The following NCR1 variants were observed in gnomAD, a reference collection of about 807,000 sequenced individuals.
The protein encoded by NCR1 is NK cell-activating receptor.
A neutral mutation model predicts 32.5 loss-of-function variants in NCR1; 30 were observed. The observed-to-expected ratio is 0.92, with a 90% CI of 0.69 to 1.25. The LOEUF is 1.25. NCR1 is among the 50% of genes most tolerant of loss of function. The probability of loss-of-function intolerance (pLI) is 0.00; values close to 1 mark genes in which losing one functional copy is unlikely to be tolerated. For missense variants in NCR1, 369 were observed against 380.7 expected (o/e 0.97, Z 0.26); for synonymous variants, 169 against 143.4 (o/e 1.18, Z -1.28).
chr19:54,912,638 A>AAAAAAT, intron 6 of NCR1, 52 bp from the exon 7 acceptor site: 1 of 505,568 alleles, frequency 2.0e-6, no homozygotes, highest in Non-Finnish European at 3.4e-6. Flanking sequence ...AAAAAAAAAA[A>AAAAAAT]GAGGGTGTCC....
the NCR1 span, chr19:54,923,604 G>T: frequency 1.0e-6 from 1 of 995,512 alleles, no homozygotes; most frequent in Non-Finnish European, 1.6e-6. Context: ...CCCAAAAATA[G>T]TGAGAAAACC....
chr19:54,904,141 A>G (rs1190309790), upstream of NCR1, among the ~76,000 whole-genome samples: 2 of 93,440 alleles, frequency 2.1e-5, no homozygotes, highest in Admixed American at 9.0e-5. Flanking sequence ...AAAAAAAAAA[A>G]AAGAAAGAAA....
chr19:54,909,186 A>G lies in NCR1; in HGVS notation c.356-59A>G, dbSNP rs116299914. On this transcript the variant is annotated intron_variant, in intron 3 of 6. Coordinates refer to ENST00000291890, the MANE Select transcript of NCR1 (RefSeq NM_004829.7). ...CTCCATCTCTAAAGAAAGAAAAAAA[A>G]AAATAGCTGGCTGCTCATCACTGAG... The G allele has an allele frequency of 2.6e-4, 403 of 1,522,768 alleles. 3 individuals are homozygous for G. The African/African-American group carries it at 5.2e-3, about 19-fold the overall frequency. 94.3% of individuals were successfully genotyped at this position (1,522,768 alleles called of 1,614,324 possible).
chr19:54,934,839 A>G, the NCR1 span, among the ~76,000 whole-genome samples: 1 of 151,836 alleles, frequency 6.6e-6, no homozygotes, highest in Non-Finnish European at 1.5e-5. The surrounding 1 kb of genome is among the most constrained non-coding windows in gnomAD (Gnocchi z 6.7). Flanking sequence ...CCTCCGAAGT[A>G]GCTGGGATTA....
At chr19:54,928,989 G>A in the NCR1 span, among the ~76,000 whole-genome samples, 84,306 of 151,798 alleles carry the variant, frequency 0.56, 23,655 homozygotes, top group East Asian at 0.72. Context: ...TAATCCACCC[G>A]TTTGCATTGA....
upstream of NCR1, among the ~76,000 whole-genome samples, chr19:54,905,807 C>T (rs1240953093): frequency 6.6e-6 from 1 of 152,204 alleles, no homozygotes; most frequent in Non-Finnish European, 1.5e-5. Flanking sequence ...TCCAGTATCT[C>T]ACTGTGAAAC....
Position 54,910,084 on chromosome 19 carries a change from T to C in NCR1, c.682+19T>C, listed in dbSNP as rs757799672. ...TTTCCTGGTGAGTAACTGGTCCTTC[T>C]AAGCTCAGACGAGCGATCAGAGCCT... is the stretch of plus-strand genomic sequence containing the variant. On this transcript the variant is annotated intron_variant, in intron 5 of 6. Coordinates refer to ENST00000291890, the MANE Select transcript of NCR1 (RefSeq NM_004829.7). 12 of 1,612,450 alleles carry C rather than the reference T, an allele frequency of 7.4e-6. No individual in the cohort carries two copies. The highest frequency in any genetic ancestry group is 9.3e-6 in the Non-Finnish European group (11 of 1,178,812).
chr19:54,926,534 C>G, the NCR1 span, among the ~76,000 whole-genome samples: 1 of 152,100 alleles, frequency 6.6e-6, no homozygotes, highest in East Asian at 1.9e-4. Context: ...AATCCCGGCA[C>G]TTTGAGAGGC....
At chr19:54,917,550 A>G (rs1206518084), downstream of NCR1, among the ~76,000 whole-genome samples, 1 of 151,766 alleles carries the variant, frequency 6.6e-6, no homozygotes, top group East Asian at 2.0e-4. Context: ...TGAACTCCCG[A>G]CCTCATGTGA....
chr19:54,912,636 A>G, intron 6 of NCR1, 54 bp from the exon 7 acceptor site: 1 of 513,166 alleles, frequency 1.9e-6, no homozygotes, highest in East Asian at 3.9e-5. Flanking sequence ...AAAAAAAAAA[A>G]AAGAGGGTGT....
chr19:54,930,980 G>A, the NCR1 span, among the ~76,000 whole-genome samples: 5 of 150,104 alleles, frequency 3.3e-5, no homozygotes, highest in African/African-American at 1.2e-4. Context: ...CTGAGATCGC[G>A]CCACTGCACT....
chr19:54,911,838 G>GA (rs1048981636), intron 5 of NCR1, among the ~76,000 whole-genome samples: 19 of 150,952 alleles, frequency 1.3e-4, no homozygotes, highest in African/African-American at 4.6e-4. Flanking sequence ...CTAAAAATAT[G>GA]AAAAAAATTA....
At chr19:54,911,522 C>T (rs148962595) in intron 5 of NCR1, among the ~76,000 whole-genome samples, 8 of 152,162 alleles carry the variant, frequency 5.3e-5, no homozygotes, top group South Asian at 2.1e-4. Flanking sequence ...AAGGCAGGGG[C>T]GGCTGGATCA....
At chr19:54,928,675 C>A in the NCR1 span, among the ~76,000 whole-genome samples, 1 of 152,098 alleles carries the variant, frequency 6.6e-6, no homozygotes, top group African/African-American at 2.4e-5. Context: ...AGATCATGAA[C>A]CAGCATGCTA....
At chr19:54,928,895 T>G in the NCR1 span, among the ~76,000 whole-genome samples, 1 of 151,908 alleles carries the variant, frequency 6.6e-6, no homozygotes, top group African/African-American at 2.4e-5. Flanking sequence ...CTCCGCCTCC[T>G]GGGTTCAAGC....
rs34151807 is a variant in NCR1, at chr19:54,908,653, C to CTTT, written c.356-578_356-576dup. Among the ~76,000 whole-genome samples, 16 of 135,054 alleles carry CTTT rather than the reference C, an allele frequency of 1.2e-4. No individual in the cohort carries two copies. The South Asian group carries it at 1.4e-3, about 12-fold the overall frequency. 88.6% of individuals were successfully genotyped at this position (135,054 alleles called of 152,430 possible). On this transcript the variant is annotated intron_variant, in intron 3 of 6. Coordinates refer to ENST00000291890, the MANE Select transcript of NCR1 (RefSeq NM_004829.7). The stretch of plus-strand genomic sequence containing the variant: ...TCCCGGACGGGGCGGCTGGCCGGGG[C>CTTT]TTTTTTTTTTTTTTTTGAGACAGTC...
At position 54,911,098 on chromosome 19, in the gene NCR1, G is replaced by A. The variant is rs74743331; in HGVS notation, c.682+1033G>A. ...GCGGTGGCTCACGCCTGTAATCCCAGCACTTTGGGAAACCGAGGCAGGTGG... is the reference window on the plus strand; with the variant it reads ...GCGGTGGCTCACGCCTGTAATCCCAACACTTTGGGAAACCGAGGCAGGTGG... On this transcript the variant is annotated intron_variant, in intron 5 of 6. Transcript: ENST00000291890. Among the ~76,000 whole-genome samples the A allele has an allele frequency of 2.9e-3, 436 of 152,238 alleles. 14 individuals are homozygous for A. The East Asian group carries it at 0.071, about 25-fold the overall frequency.
chr19:54,904,775 ACCTGC>A (rs937164245), upstream of NCR1, among the ~76,000 whole-genome samples: 10 of 151,782 alleles, frequency 6.6e-5, no homozygotes, highest in Admixed American at 3.3e-4. Context: ...AAGGTGATCC[ACCTGC>A]CTCAGCCTCC....
chr19:54,903,573 T>C (rs1022218596), upstream of NCR1, among the ~76,000 whole-genome samples: 2 of 133,766 alleles, frequency 1.5e-5, no homozygotes, highest in East Asian at 4.8e-4. Context: ...TATATGTGTA[T>C]ATATACGCAT....
Sources: allele counts gnomAD v4.1 joint callset (sites outside exome capture counted in the v4.1 genomes callset), GRCh38; gene constraint gnomAD v4.1.1; non-coding constraint Gnocchi (gnomAD v3.1); transcripts MANE v1.5; gene names NCBI Gene and HGNC (gene_info 2026-07-23, HGNC 2026-07-21).